Variants in PSAP observed in about 807,000 individuals in gnomAD.
PSAP encodes the protein prosaposin.
PSAP carries 25 observed loss-of-function variants against 66.0 expected under a neutral mutation model. The observed-to-expected ratio is 0.38, with a 90% CI of 0.28 to 0.53. PSAP has a LOEUF of 0.53. PSAP is among the 20% of genes least tolerant of loss of function. PSAP has a pLI of 0.83. For synonymous variants in PSAP, 273 were observed against 258.9 expected (o/e 1.05, Z -0.52); for missense variants, 649 against 668.8 (o/e 0.97, Z 0.33).
rs200379457 is a variant in PSAP at position 71,819,533 on chromosome 10, T to C, written c.1282A>G (p.Thr428Ala). 9 of 1,614,218 alleles carry C rather than the reference T, an allele frequency of 5.6e-6. No homozygotes were observed. The Admixed American group carries it at 8.3e-5, about 15-fold the overall frequency. The change falls in exon 11 of 14, where the codon ACC becomes GCC. Residue 428 changes from threonine to alanine, a missense_variant. Transcript: ENST00000394936. ...YLDRNLEKNS[T>A]KQEILAALEK... Reference sequence around the variant, plus strand: ...AGAGCAGCCAGGATCTCCTGCTTGGTGCTGTTTTTCTCCAGGTTGCGATCC... The same window carrying C: ...AGAGCAGCCAGGATCTCCTGCTTGGCGCTGTTTTTCTCCAGGTTGCGATCC...
At position 71,819,776 on chromosome 10, in the gene PSAP, C is replaced by T. The variant is rs1234853998; in HGVS notation, c.1130G>A (p.Ser377Asn). 1.9e-6 allele frequency: 3 copies of T among 1,613,970 alleles called. No individual in the cohort carries two copies. The highest frequency in any genetic ancestry group is 1.3e-5 in the African/African-American group (1 of 74,924). ...SILSILLEEVSPELVCSMLHL... is the reference protein window; with the variant it reads ...SILSILLEEVNPELVCSMLHL... ...CAGCATGCTGCACACCAGCTCAGGG[C>T]TGACCTCCTCCAGCAGGATGGACAG... The change falls in exon 10 of 14, where the codon AGC (serine) becomes AAC (asparagine). Residue 377 changes from serine (S) to asparagine (N), a missense_variant. Ser to Asn is a conservative substitution (Grantham distance 46, BLOSUM62 1). Coordinates refer to ENST00000394936, the MANE Select transcript of PSAP (RefSeq NM_002778.4).
chr10:71,847,964 C>A (rs574856563), intron 1 of PSAP, among the ~76,000 whole-genome samples: 34 of 152,250 alleles, frequency 2.2e-4, no homozygotes, highest in South Asian at 1.9e-3. Flanking sequence ...GGCTAGCCAC[C>A]ACACAGCTGA....
At chr10:71,825,635 T>C in intron 7 of PSAP, 1 of 686,044 alleles carries the variant, frequency 1.5e-6, no homozygotes, top group Non-Finnish European at 2.7e-6. Context: ...GGGATCAAGA[T>C]GCTTCAGCCT....
intron 1 of PSAP, among the ~76,000 whole-genome samples, chr10:71,835,265 TA>T (rs1244626414): frequency 6.7e-6 from 1 of 150,302 alleles, no homozygotes; most frequent in Non-Finnish European, 1.5e-5. Flanking sequence ...AAATTAAAAT[TA>T]AAAAAAATTC....
At chr10:71,826,017 A>G (rs777134353) in intron 6 of PSAP, 124 bp from the exon 7 acceptor site, 2 of 803,862 alleles carry the variant, frequency 2.5e-6, no homozygotes, top group Non-Finnish European at 4.2e-6. Flanking sequence ...TTTCTAAAGT[A>G]GAATTTTATG....
chr10:71,842,383 ATATGT>A (rs1334256247), intron 1 of PSAP, among the ~76,000 whole-genome samples: 3 of 152,238 alleles, frequency 2.0e-5, no homozygotes, highest in African/African-American at 7.2e-5. Flanking sequence ...ATAAATATAT[ATATGT>A]TAACATGTAA....
Position 71,848,915 on chromosome 10 carries a change from C to A in PSAP, c.40+2267G>T, listed in dbSNP as rs181081449. Among the ~76,000 whole-genome samples, 138 of 152,274 alleles carry A rather than the reference C, an allele frequency of 9.1e-4. 1 individual carries two copies. Among genetic ancestry groups the A allele is most frequent in the Admixed American group, 2.2e-3 (34 of 15,296 alleles). On this transcript the variant is annotated intron_variant, in intron 1 of 13. Transcript: ENST00000394936. ...GCCATTACAATACCTCCCATTTACC[C>A]GAGTGTTCACGGAAGAGGGTCCCTT... is the stretch of plus-strand genomic sequence containing the variant.
At chr10:71,834,587 C>T (rs998629191) in intron 1 of PSAP, 82 bp from the exon 2 acceptor site, 13 of 1,554,482 alleles carry the variant, frequency 8.4e-6, no homozygotes, top group Middle Eastern at 2.1e-4. Flanking sequence ...GGGCTGAGGG[C>T]GACTGTCCTT....
At chr10:71,827,117 CCGGGCG>C (rs1842410405) in intron 6 of PSAP, among the ~76,000 whole-genome samples, 1 of 152,188 alleles carries the variant, frequency 6.6e-6, no homozygotes, top group Non-Finnish European at 1.5e-5. Context: ...GGGTAAATGG[CCGGGCG>C]CGGTGGCTCA....
intron 7 of PSAP, 39 bp from the exon 8 acceptor site, chr10:71,822,046 ACGC>A (rs1250601235): frequency 6.2e-7 from 1 of 1,613,614 alleles, no homozygotes; most frequent in Non-Finnish European, 8.5e-7. Flanking sequence ...CAGCAAGCCT[ACGC>A]CCACTGCTCC....
Position 71,825,717 on chromosome 10 carries a change from C to T in PSAP, c.777+120G>A, listed in dbSNP as rs746877445. On this transcript the variant is annotated intron_variant, in intron 7 of 13. Coordinates refer to ENST00000394936, the MANE Select transcript of PSAP (RefSeq NM_002778.4). The stretch of plus-strand genomic sequence containing the variant: ...TCCTAGCCAGAGGGGTCGATTTAGC[C>T]CAATTCAGCACTCTAAGGTAAAAAA... The T allele has an allele frequency of 8.6e-6, 8 of 930,936 alleles. No homozygotes were observed. In the South Asian group the frequency reaches 1.1e-4, roughly 13 times the overall value. 57.7% of individuals were successfully genotyped at this position (930,936 alleles called of 1,614,324 possible). A position where few individuals can be genotyped will look rare whatever the true frequency, so the allele number is the denominator to read the frequency against.
At chr10:71,823,816 CAA>C (rs56911723) in intron 7 of PSAP, 1,444 of 960,062 alleles carry the variant, frequency 1.5e-3, no homozygotes, top group East Asian at 1.9e-3. Flanking sequence ...ATGCCATACC[CAA>C]AAAAAAAAAA....
chr10:71,827,119 G>A (rs1055576180), intron 6 of PSAP, among the ~76,000 whole-genome samples: 16 of 152,160 alleles, frequency 1.1e-4, no homozygotes, highest in African/African-American at 3.1e-4. Context: ...GTAAATGGCC[G>A]GGCGCGGTGG....
intron 11 of PSAP, 117 bp from the exon 12 acceptor site, chr10:71,819,228 C>A (rs1842240831): frequency 2.8e-6 from 3 of 1,078,798 alleles, no homozygotes; most frequent in African/African-American, 3.1e-5. Flanking sequence ...GCATTCCCAG[C>A]CCACTGGGTC....
chr10:71,833,365 G>C lies in PSAP; in HGVS notation c.174+1007C>G, dbSNP rs555979952. ...TTCCAGTACTCAGGAGGCTGAGGTG[G>C]GAGGATTGCTTGAGCCTAGGAGGTT... On this transcript the variant is annotated intron_variant, in intron 2 of 13. Transcript: ENST00000394936. Among the ~76,000 whole-genome samples, 3 of 152,208 alleles carry C rather than the reference G, an allele frequency of 2.0e-5. No individual in the cohort carries two copies. In the East Asian group the frequency reaches 5.8e-4, roughly 29 times the overall value.
intron 6 of PSAP, 49 bp downstream of exon 6, chr10:71,827,965 C>T: frequency 6.2e-7 from 1 of 1,612,398 alleles, no homozygotes. Context: ...CTCCACAGCC[C>T]AACTCCCAGG....
chr10:71,820,664 T>C (rs762679111), intron 8 of PSAP, among the ~76,000 whole-genome samples: 8 of 151,294 alleles, frequency 5.3e-5, no homozygotes, highest in Non-Finnish European at 7.4e-5. Flanking sequence ...CATTTCATCA[T>C]TCAGGGTTCA....
Position 71,819,133 on chromosome 10 carries a change from C to A in PSAP, c.1351-22G>T, listed in dbSNP as rs1232185563. ...CACACTATAAAGGAAAGTGGGGACA[C>A]AGGTCCAGCTCTGGGGGTGTCCGAG... On this transcript the variant is annotated intron_variant, in intron 11 of 13. Transcript: ENST00000394936. The A allele has an allele frequency of 2.5e-6, 4 of 1,604,684 alleles. No individual in the cohort carries two copies. In the Admixed American group the frequency reaches 5.0e-5, roughly 20 times the overall value.
At chr10:71,820,203 C>G in intron 9 of PSAP, 37 bp downstream of exon 9, 1 of 1,552,600 alleles carries the variant, frequency 6.4e-7, no homozygotes, top group Non-Finnish European at 8.9e-7. Context: ...CTCGGGGGGG[C>G]AGGAGAGGCC....
Sources: allele counts gnomAD v4.1 joint callset (sites outside exome capture counted in the v4.1 genomes callset), GRCh38; gene constraint gnomAD v4.1.1; transcripts MANE v1.5; gene names NCBI Gene and HGNC (gene_info 2026-07-23, HGNC 2026-07-21).